PAM: variants seen among roughly 807,000 people sequenced by gnomAD.
PAM encodes peptidyl-glycine alpha-amidating monooxygenase.
In PAM, 72 loss-of-function variants were observed where a neutral mutation model predicts 122.1. The observed-to-expected ratio is 0.59, with a 90% CI of 0.49 to 0.72. The LOEUF is 0.72. PAM is among the 30% of genes least tolerant of loss of function. PAM has a pLI of 0.00. For synonymous variants in PAM, 389 were observed against 404.4 expected (o/e 0.96, Z 0.46); for missense variants, 1,106 against 1,183.7 (o/e 0.93, Z 0.96).
At chr5:102,780,817 TTCTTTC>T (rs1430964435) in intron 1 of PAM, among the ~76,000 whole-genome samples, 28 of 133,840 alleles carry the variant, frequency 2.1e-4, no homozygotes, top group Non-Finnish European at 4.1e-4. Context: ...CTTTCTTTCT[TTCTTTC>T]TTTCTTTCTT....
At chr5:102,875,348 AT>A (rs1436393653) in intron 3 of PAM, among the ~76,000 whole-genome samples, 2 of 151,960 alleles carry the variant, frequency 1.3e-5, no homozygotes, top group Non-Finnish European at 2.9e-5. Flanking sequence ...ACACACCACC[AT>A]ACCCGGCTTA....
intron 21 of PAM, among the ~76,000 whole-genome samples, chr5:103,013,751 A>C (rs1781266183): frequency 6.6e-6 from 1 of 152,184 alleles, no homozygotes; most frequent in South Asian, 2.1e-4. Flanking sequence ...TAAGGGTATA[A>C]AGGTGAATAA....
At chr5:102,885,953 G>C in intron 3 of PAM, among the ~76,000 whole-genome samples, 1 of 152,002 alleles carries the variant, frequency 6.6e-6, no homozygotes, top group East Asian at 1.9e-4. Context: ...ATGTTTTCAA[G>C]TCTACTGTTG....
chr5:103,006,357 T>C (rs1778967309), intron 18 of PAM, among the ~76,000 whole-genome samples: 3 of 139,914 alleles, frequency 2.1e-5, no homozygotes, highest in African/African-American at 7.8e-5. Flanking sequence ...AAAGTGAAAT[T>C]TGTGTTATTT....
At chr5:102,995,920 C>G (rs1329375803) in intron 16 of PAM, among the ~76,000 whole-genome samples, 2 of 151,934 alleles carry the variant, frequency 1.3e-5, no homozygotes, top group East Asian at 3.8e-4. Flanking sequence ...ATTGAGGTTA[C>G]ATTTTCACTT....
chr5:102,848,951 A>T (rs1780653296), intron 1 of PAM, among the ~76,000 whole-genome samples: 1 of 152,204 alleles, frequency 6.6e-6, no homozygotes, highest in Non-Finnish European at 1.5e-5. Context: ...TGAATGAGAA[A>T]AGACCCATAT....
chr5:102,948,195 T>C (rs369631298), intron 8 of PAM, among the ~76,000 whole-genome samples, 183 bp from the exon 9 acceptor site: 7 of 152,284 alleles, frequency 4.6e-5, no homozygotes, highest in African/African-American at 1.4e-4. Flanking sequence ...ACAGGAACCA[T>C]TTAGAGTCTG....
chr5:102,935,448 T>C (rs1752932749), intron 7 of PAM, among the ~76,000 whole-genome samples: 1 of 152,114 alleles, frequency 6.6e-6, no homozygotes, highest in Non-Finnish European at 1.5e-5. Context: ...AATGTGTGTA[T>C]CTTATTGTCT....
intron 14 of PAM, among the ~76,000 whole-genome samples, chr5:102,961,945 T>C (rs1762624582): frequency 6.6e-6 from 1 of 151,936 alleles, no homozygotes; most frequent in Admixed American, 6.6e-5. Flanking sequence ...TGGCCTACGA[T>C]ACACGTTTTT....
chr5:102,987,225 T>G (rs1772164086), intron 15 of PAM, among the ~76,000 whole-genome samples: 1 of 152,176 alleles, frequency 6.6e-6, no homozygotes, highest in African/African-American at 2.4e-5. Flanking sequence ...CATAAAAGAA[T>G]GGAATCCTGT....
chr5:102,873,829 T>C lies in PAM; in HGVS notation c.210+6436T>C, dbSNP rs527839259. On this transcript the variant is annotated intron_variant, in intron 3 of 25. Transcript: ENST00000438793. ...TGCATTGTCATTGTCTTAAAATGAA[T>C]ATGAGTCGTGGCTTTTAGTGTTTCG... 3.3e-5 allele frequency: 5 copies of C among 152,334 alleles called. No individual in the cohort carries two copies. In the East Asian group the frequency reaches 9.6e-4, roughly 29 times the overall value. 9.4% of individuals were successfully genotyped at this position (152,334 alleles called of 1,614,324 possible).
chr5:102,757,180 A>T (rs1015356172), intron 1 of PAM, among the ~76,000 whole-genome samples: 7 of 152,120 alleles, frequency 4.6e-5, no homozygotes, highest in African/African-American at 1.7e-4. Context: ...ACAAAAAATT[A>T]CTTGGGCATA....
chr5:102,941,242 G>T (rs1324016582), intron 7 of PAM, among the ~76,000 whole-genome samples: 1 of 152,190 alleles, frequency 6.6e-6, no homozygotes, highest in Non-Finnish European at 1.5e-5. Flanking sequence ...AACAGCACAG[G>T]CCATCATTTG....
intron 5 of PAM, among the ~76,000 whole-genome samples, chr5:102,921,848 A>T (rs1747550810): frequency 6.6e-6 from 1 of 152,180 alleles, no homozygotes; most frequent in South Asian, 2.1e-4. Flanking sequence ...AGGGACTGTG[A>T]CAGCCAGAGC....
At chr5:102,999,774 T>C (rs1329540407) in intron 16 of PAM, among the ~76,000 whole-genome samples, 2 of 152,176 alleles carry the variant, frequency 1.3e-5, no homozygotes, top group East Asian at 1.9e-4. Context: ...TGGCCTCTTT[T>C]AGCCAAGTCC....
Position 103,028,255 on chromosome 5 carries a change from T to A in PAM, c.2743+17T>A, listed in dbSNP as rs766017592. ...GATTTAGAGGTATGCCTATGACCTT[T>A]TAGAACCCTTCATGTTTGGTTCAAA... On this transcript the variant is annotated intron_variant, in intron 25 of 25. Coordinates refer to ENST00000438793, the MANE Select transcript of PAM (RefSeq NM_001177306.2). The A allele has an allele frequency of 6.4e-7, 1 of 1,558,898 alleles. No homozygotes were observed. Among genetic ancestry groups the A allele is most frequent in the African/African-American group, 1.4e-5 (1 of 73,658 alleles).
chr5:102,779,436 C>G (rs559117147), intron 1 of PAM, among the ~76,000 whole-genome samples: 1 of 152,128 alleles, frequency 6.6e-6, no homozygotes, highest in South Asian at 2.1e-4. Context: ...GCTACAAATG[C>G]AGATTGATGT....
chr5:102,889,691 G>T (rs1487450884), intron 3 of PAM, among the ~76,000 whole-genome samples: 2 of 151,794 alleles, frequency 1.3e-5, no homozygotes. Context: ...CCTATCTTGT[G>T]TCTCTGACTC....
intron 15 of PAM, among the ~76,000 whole-genome samples, chr5:102,985,669 T>C (rs951992725): frequency 6.6e-6 from 1 of 151,970 alleles, no homozygotes; most frequent in Non-Finnish European, 1.5e-5. Context: ...ACCAAAATTA[T>C]AAAGAACTAA....
Sources: gnomAD v4.1 joint callset for allele counts (sites outside exome capture counted in the v4.1 genomes callset) on GRCh38, gnomAD v4.1.1 for gene constraint, MANE v1.5 for transcripts, NCBI Gene and HGNC (gene_info 2026-07-23, HGNC 2026-07-21) for gene names.